The following SEPTIN12 variants were observed in gnomAD, a reference collection of about 807,000 sequenced individuals.
The protein encoded by SEPTIN12 is septin 12.
Under a neutral mutation model 37.7 loss-of-function variants are expected in SEPTIN12, and 42 were observed. The ratio of observed to expected loss-of-function variants is 1.11; its 90% CI spans 0.87 to 1.44. SEPTIN12 has a LOEUF of 1.44. Among genes scored for constraint, SEPTIN12 ranks in the 40% most tolerant of loss-of-function variants. SEPTIN12 has a pLI of 0.00. For missense variants in SEPTIN12, 613 were observed against 479.2 expected, an observed-to-expected ratio of 1.28 and a Z score of -2.61; for synonymous variants, 254 against 196.7, an observed-to-expected ratio of 1.29 and a Z score of -2.44.
intron 7 of SEPTIN12, among the ~76,000 whole-genome samples, chr16:4,781,246 G>A (rs1217567400): frequency 2.0e-5 from 3 of 149,792 alleles, no homozygotes; most frequent in African/African-American, 7.4e-5. Flanking sequence ...GTGACAGAGG[G>A]AGACTCCATC....
intron 4 of SEPTIN12, 46 bp downstream of exon 4, chr16:4,785,761 A>G (rs755552755): frequency 1.4e-6 from 2 of 1,402,318 alleles, no homozygotes; most frequent in Non-Finnish European, 2.0e-6. Flanking sequence ...CTGGGTGACA[A>G]GAGTGAAACT....
chr16:4,790,878 C>T (rs1222623575), upstream of SEPTIN12, among the ~76,000 whole-genome samples: 2 of 152,182 alleles, frequency 1.3e-5, no homozygotes, highest in Admixed American at 1.3e-4. Flanking sequence ...GTGGCAGGGA[C>T]GATGGGGCAC....
At position 4,787,678 on chromosome 16, in the gene SEPTIN12, G is replaced by A. The variant is rs1402598668; in HGVS notation, c.-22-11C>T. 2 of 1,302,566 alleles carry A rather than the reference G, an allele frequency of 1.5e-6. No homozygotes were observed. The highest frequency in any genetic ancestry group is 2.1e-6 in the Non-Finnish European group (2 of 934,824). 80.7% of individuals were successfully genotyped at this position (1,302,566 alleles called of 1,614,324 possible). A position where few individuals can be genotyped will look rare whatever the true frequency, so the allele number is the denominator to read the frequency against. ...AAGGGTTCGAGATGCCTGTCACCAG[G>A]TGGGTGGGGAGAAGGGGGTCACTGG... On this transcript the variant is annotated splice_polypyrimidine_tract_variant and intron_variant, in intron 1 of 9. Transcript: ENST00000268231.
intron 7 of SEPTIN12, among the ~76,000 whole-genome samples, chr16:4,780,570 G>A (rs1311411151): frequency 2.0e-5 from 3 of 152,256 alleles, no homozygotes; most frequent in African/African-American, 4.8e-5. Context: ...GAACCCTACC[G>A]TAAACTCCAG....
chr16:4,778,404 G>A (rs1352724662), intron 8 of SEPTIN12, among the ~76,000 whole-genome samples: 1 of 152,208 alleles, frequency 6.6e-6, no homozygotes, highest in African/African-American at 2.4e-5. Context: ...TGTATCCATG[G>A]GTGCCCACTG....
At chr16:4,784,290 G>C in intron 4 of SEPTIN12, 1 of 564,530 alleles carries the variant, frequency 1.8e-6, no homozygotes, top group Non-Finnish European at 3.2e-6. Flanking sequence ...GTAAAATGGA[G>C]ACAATAGTAG....
intron 2 of SEPTIN12, among the ~76,000 whole-genome samples, chr16:4,787,159 A>G (rs2082467808): frequency 6.6e-6 from 1 of 151,842 alleles, no homozygotes; most frequent in South Asian, 2.1e-4. Flanking sequence ...TACAGGCTTG[A>G]GCCACCATGC....
chr16:4,786,357 T>A (rs2082445569), intron 2 of SEPTIN12, among the ~76,000 whole-genome samples: 1 of 148,918 alleles, frequency 6.7e-6, no homozygotes, highest in African/African-American at 2.5e-5. Context: ...GCACTGCTTT[T>A]TTTTTTTTTT....
intron 8 of SEPTIN12, among the ~76,000 whole-genome samples, chr16:4,778,529 G>C (rs867336813): frequency 6.6e-6 from 1 of 152,148 alleles, no homozygotes; most frequent in Admixed American, 6.5e-5. Flanking sequence ...GGCTGGGCGC[G>C]GTGGCTCACG....
intron 7 of SEPTIN12, among the ~76,000 whole-genome samples, chr16:4,781,378 C>G (rs1361188656): frequency 6.6e-6 from 1 of 152,038 alleles, no homozygotes; most frequent in Non-Finnish European, 1.5e-5. Context: ...TCATCGCAAT[C>G]TAATTTCACA....
At chr16:4,787,422 G>A (rs1310921766) in intron 2 of SEPTIN12, 58 bp downstream of exon 2, 15 of 1,532,736 alleles carry the variant, frequency 9.8e-6, no homozygotes, top group South Asian at 3.4e-5. Context: ...GAGGCCACAC[G>A]CCCAGGCACG....
intron 4 of SEPTIN12, 21 bp from the exon 5 acceptor site, chr16:4,784,089 T>TCC: frequency 6.2e-7 from 1 of 1,613,372 alleles, no homozygotes; most frequent in Non-Finnish European, 8.5e-7. Flanking sequence ...AGGTGGACCC[T>TCC]CCCCTCAGAA....
At chr16:4,785,778 A>T (rs774887440) in intron 4 of SEPTIN12, 29 bp downstream of exon 4, 1 of 620,194 alleles carries the variant, frequency 1.6e-6, no homozygotes. Context: ...AACTCTGCCT[A>T]AAAAAAAAAA....
rs1056746986 is a variant in SEPTIN12 at position 4,778,878 on chromosome 16, G to A, written c.824-741C>T. On this transcript the variant is annotated intron_variant, in intron 8 of 9. Transcript: ENST00000268231. ...CACCTGACCGGGCGCGGTGGCACAC[G>A]CCTGTAATCCCAGCACTTTGGGAGG... is the stretch of plus-strand genomic sequence containing the variant. 4.0e-5 allele frequency among the ~76,000 whole-genome samples: 6 copies of A among 151,696 alleles called. No homozygotes were observed. The East Asian group carries it at 7.7e-4, about 20-fold the overall frequency.
upstream of SEPTIN12, among the ~76,000 whole-genome samples, chr16:4,789,650 G>C (rs1274484322): frequency 6.6e-6 from 1 of 151,872 alleles, no homozygotes; most frequent in Admixed American, 6.6e-5. Context: ...TTTGAGACAC[G>C]GTCTCACTAT....
intron 1 of SEPTIN12, 33 bp from the exon 2 acceptor site, chr16:4,787,700 C>G: frequency 1.1e-6 from 1 of 935,088 alleles, no homozygotes; most frequent in Admixed American, 2.1e-5. Context: ...AAGGGGGTCA[C>G]TGGGGCTCAG....
intron 7 of SEPTIN12, among the ~76,000 whole-genome samples, chr16:4,781,931 A>G (rs1596252597): frequency 9.1e-6 from 1 of 110,176 alleles, no homozygotes; most frequent in African/African-American, 3.5e-5. Flanking sequence ...GGTGTGAGCC[A>G]CCGTGCCCGG....
intron 9 of SEPTIN12, 37 bp downstream of exon 9, chr16:4,778,049 C>T (rs368419345): frequency 6.8e-6 from 11 of 1,613,142 alleles, no homozygotes; most frequent in Admixed American, 1.7e-5. Context: ...CAGGGCCCCT[C>T]GCCAGCCCCC....
chr16:4,778,202 C>T, intron 8 of SEPTIN12, 65 bp from the exon 9 acceptor site: 2 of 1,465,040 alleles, frequency 1.4e-6, no homozygotes, highest in East Asian at 2.3e-5. Context: ...CTACTGTATG[C>T]ACCACCTGAC....
Sources: allele counts gnomAD v4.1 joint callset (sites outside exome capture counted in the v4.1 genomes callset), GRCh38; gene constraint gnomAD v4.1.1; transcripts MANE v1.5; gene names NCBI Gene and HGNC (gene_info 2026-07-23, HGNC 2026-07-21).